CSMD3: variants seen among roughly 807,000 people sequenced by gnomAD.
CSMD3 encodes CUB and Sushi multiple domains 3.
In CSMD3, 177 loss-of-function variants were observed where a neutral mutation model predicts 435.2. That is an observed-to-expected ratio of 0.41 (90% CI 0.36 to 0.46). The LOEUF (loss-of-function observed/expected upper bound fraction) is 0.46, where lower values mean the gene tolerates loss of function less well. Ranked by LOEUF, CSMD3 falls within the 20% of genes least tolerant of loss-of-function variation. The probability of loss-of-function intolerance (pLI) is 0.34; values close to 1 mark genes in which losing one functional copy is unlikely to be tolerated. For synonymous variants in CSMD3, 1,656 were observed against 1,520.5 expected (o/e 1.09, Z -2.07); for missense variants, 4,265 against 4,504.6 (o/e 0.95, Z 1.52).
At chr8:113,428,204 A>C in intron 1 of CSMD3, among the ~76,000 whole-genome samples, 1 of 146,234 alleles carries the variant, frequency 6.8e-6, no homozygotes, top group South Asian at 2.2e-4. Context: ...CAACTGTGGG[A>C]TATCTATCTA....
chr8:113,369,604 C>G (rs2133043373), intron 1 of CSMD3, among the ~76,000 whole-genome samples: 1 of 151,916 alleles, frequency 6.6e-6, no homozygotes, highest in African/African-American at 2.4e-5. Flanking sequence ...TATCTGAATT[C>G]CCATATTTAA....
At chr8:112,506,033 GA>G (rs909636804) in intron 29 of CSMD3, among the ~76,000 whole-genome samples, 1 of 152,058 alleles carries the variant, frequency 6.6e-6, no homozygotes, top group Non-Finnish European at 1.5e-5. Context: ...AGAAAATGGG[GA>G]TAGTAATAGT....
At chr8:112,898,569 T>C (rs558823530) in intron 10 of CSMD3, among the ~76,000 whole-genome samples, 10 of 151,218 alleles carry the variant, frequency 6.6e-5, no homozygotes, top group Admixed American at 2.0e-4. Flanking sequence ...AACAATAAAA[T>C]GTATAAACTT....
intron 47 of CSMD3, among the ~76,000 whole-genome samples, chr8:112,315,296 A>G (rs779963357): frequency 2.6e-5 from 4 of 152,032 alleles, no homozygotes; most frequent in East Asian, 1.9e-4. Flanking sequence ...TGTGTTATAC[A>G]TTGACAAAAA....
chr8:112,450,636 G>A (rs1183432860), intron 32 of CSMD3, among the ~76,000 whole-genome samples: 1 of 152,190 alleles, frequency 6.6e-6, no homozygotes, highest in African/African-American at 2.4e-5. Flanking sequence ...ATCCAGGTAT[G>A]AGCAACTCAT....
intron 12 of CSMD3, among the ~76,000 whole-genome samples, chr8:112,825,462 T>C (rs911414894): frequency 6.6e-6 from 1 of 152,206 alleles, no homozygotes. Flanking sequence ...TGACTTTGTC[T>C]AGTTTCTATC....
chr8:112,337,615 T>G lies in CSMD3; in HGVS notation c.6769A>C (p.Ile2257Leu). Residue 2257 changes from isoleucine (I) to leucine (L), a missense_variant, in exon 43 of 71, where the codon ATT (isoleucine) becomes CTT (leucine). Around this residue, in one of 3 missense-constraint regions of CSMD3, gnomAD observed 3,255 missense variants for 3,380.2 expected, o/e 0.96. Transcript: ENST00000297405. Reference sequence around the variant, plus strand: ...AGGCATGTGAGAGCTGAATTTCCAATTAATGTGTATCCTGGGAAACATTCA... The same window carrying G: ...AGGCATGTGAGAGCTGAATTTCCAAGTAATGTGTATCCTGGGAAACATTCA... ...SFECFPGYTL[I>L]GNSALTCLHG... is the part of the protein sequence containing the mutation. The G allele has an allele frequency of 6.2e-7, 1 of 1,613,722 alleles. No individual in the cohort carries two copies. Among genetic ancestry groups the G allele is most frequent in the Non-Finnish European group, 8.5e-7 (1 of 1,179,660 alleles).
chr8:112,988,020 C>T (rs930845245), intron 6 of CSMD3, among the ~76,000 whole-genome samples: 44 of 152,108 alleles, frequency 2.9e-4, no homozygotes, highest in African/African-American at 9.9e-4. Flanking sequence ...AATCTGTATT[C>T]TCACATTTGG....
Position 112,789,271 on chromosome 8 carries a change from C to T in CSMD3, c.1972+10891G>A, listed in dbSNP as rs140317608. Among the ~76,000 whole-genome samples, 555 of 152,002 alleles carry T rather than the reference C, an allele frequency of 3.7e-3. 6 individuals carry two copies. Among genetic ancestry groups the T allele is most frequent in the African/African-American group, 0.012 (487 of 41,462 alleles). On this transcript the variant is annotated intron_variant, in intron 13 of 70. Coordinates refer to ENST00000297405, the MANE Select transcript of CSMD3 (RefSeq NM_198123.2). ...CCATTTAAGATATCTCAGTTTACTA[C>T]AATGAATCAATATTGAGTGCAATAT...
chr8:112,462,381 C>T (rs927644912), intron 32 of CSMD3, among the ~76,000 whole-genome samples: 1 of 152,194 alleles, frequency 6.6e-6, no homozygotes, highest in African/African-American at 2.4e-5. Flanking sequence ...TGTAAAATGT[C>T]TAGCTTCATG....
intron 39 of CSMD3, among the ~76,000 whole-genome samples, chr8:112,351,781 C>T (rs1586849616): frequency 6.6e-6 from 1 of 151,932 alleles, no homozygotes; most frequent in East Asian, 1.9e-4. Context: ...ATTTTGCTTT[C>T]TCTGAAGAAT....
intron 13 of CSMD3, among the ~76,000 whole-genome samples, chr8:112,790,484 A>C (rs1280635341): frequency 6.6e-6 from 1 of 151,102 alleles, no homozygotes; most frequent in Non-Finnish European, 1.5e-5. Context: ...CATCAGGATT[A>C]AGTGGTTGAT....
chr8:113,101,936 T>C (rs554160938), intron 4 of CSMD3, among the ~76,000 whole-genome samples: 2 of 152,210 alleles, frequency 1.3e-5, no homozygotes, highest in East Asian at 3.9e-4. Flanking sequence ...AACAACAACA[T>C]ATTTTCTGTA....
rs552223084 is a variant in CSMD3, at chr8:113,275,075, A to G, written c.514+3517T>C. On this transcript the variant is annotated intron_variant, in intron 3 of 70. Transcript: ENST00000297405. The stretch of plus-strand genomic sequence containing the variant: ...TTATATATAAAGTACTCTTTTAATC[A>G]CCATCATGATACTATCAATATTGTA... 2.6e-5 allele frequency among the ~76,000 whole-genome samples: 4 copies of G among 152,222 alleles called. No homozygotes were observed. The East Asian group carries it at 5.8e-4, about 22-fold the overall frequency.
chr8:113,212,892 A>AAC (rs1563553821), intron 3 of CSMD3, among the ~76,000 whole-genome samples: 2 of 145,606 alleles, frequency 1.4e-5, no homozygotes, highest in African/African-American at 5.2e-5. Flanking sequence ...TATAATAAAA[A>AAC]ATATATATAT....
intron 27 of CSMD3, among the ~76,000 whole-genome samples, chr8:112,537,881 G>A (rs1241802638): frequency 1.3e-5 from 2 of 151,936 alleles, no homozygotes; most frequent in African/African-American, 2.4e-5. Flanking sequence ...CATTCTATGA[G>A]GCCAATTTAC....
At chr8:112,478,005 C>A (rs957330760) in intron 31 of CSMD3, among the ~76,000 whole-genome samples, 1 of 152,134 alleles carries the variant, frequency 6.6e-6, no homozygotes, top group Non-Finnish European at 1.5e-5. Flanking sequence ...CTCACAGGAT[C>A]TGATGATTTT....
chr8:112,326,569 AT>A (rs1250932027), intron 45 of CSMD3, among the ~76,000 whole-genome samples: 1 of 152,200 alleles, frequency 6.6e-6, no homozygotes, highest in Non-Finnish European at 1.5e-5. Flanking sequence ...CTTGACAAAT[AT>A]TGGCATCAGC....
intron 5 of CSMD3, among the ~76,000 whole-genome samples, chr8:113,064,489 A>G (rs1349806180): frequency 2.0e-5 from 3 of 152,166 alleles, no homozygotes; most frequent in African/African-American, 7.2e-5. Flanking sequence ...GGACTTTTTA[A>G]ATTAATTCAT....
Sources: allele counts gnomAD v4.1 joint callset (sites outside exome capture counted in the v4.1 genomes callset), GRCh38; gene constraint gnomAD v4.1.1; regional missense constraint gnomAD v4.1.1; transcripts MANE v1.5; gene names NCBI Gene and HGNC (gene_info 2026-07-23, HGNC 2026-07-21).